The following CMIP variants were observed in gnomAD, a reference collection of about 807,000 sequenced individuals.
CMIP encodes the protein c-Maf inducing protein, also known as C-Maf-inducing protein.
In CMIP, 13 loss-of-function variants were observed where a neutral mutation model predicts 97.3. That is an observed-to-expected ratio of 0.13 (90% CI 0.09 to 0.21). The LOEUF (loss-of-function observed/expected upper bound fraction) is 0.21, where lower values mean the gene tolerates loss of function less well. Ranked by LOEUF, CMIP falls within the 10% of genes least tolerant of loss-of-function variation. CMIP has a pLI of 1.00. For synonymous variants in CMIP, 538 were observed against 436.3 expected, an observed-to-expected ratio of 1.23 and a Z score of -2.91; for missense variants, 847 against 1,024.9, an observed-to-expected ratio of 0.83 and a Z score of 2.37.
intron 1 of CMIP, chr16:81,519,129 G>A (rs961736169): frequency 1.3e-5 from 2 of 152,104 alleles, no homozygotes; most frequent in Non-Finnish European, 2.9e-5. Flanking sequence ...CACTGTACCC[G>A]GCCTCAAAAT....
intron 1 of CMIP, among the ~76,000 whole-genome samples, chr16:81,451,293 C>A (rs1906198193): frequency 6.6e-6 from 1 of 152,172 alleles, no homozygotes; most frequent in African/African-American, 2.4e-5. Flanking sequence ...CCCGTTTCGC[C>A]TAGCTCTTTC....
chr16:81,513,988 A>G (rs910882641), intron 1 of CMIP, among the ~76,000 whole-genome samples: 1 of 151,094 alleles, frequency 6.6e-6, no homozygotes, highest in African/African-American at 2.4e-5. Context: ...AAAACAGACC[A>G]TGGGGTTTCC....
At chr16:81,498,126 G>A (rs528238257) in intron 1 of CMIP, among the ~76,000 whole-genome samples, 12 of 152,366 alleles carry the variant, frequency 7.9e-5, no homozygotes, top group African/African-American at 2.9e-4. Flanking sequence ...GTTGGAACCT[G>A]CTGCTCCCTA....
chr16:81,677,660 C>T (rs1242325143), intron 9 of CMIP, among the ~76,000 whole-genome samples: 3 of 152,216 alleles, frequency 2.0e-5, no homozygotes, highest in Non-Finnish European at 4.4e-5. Flanking sequence ...TCTGGGTTAA[C>T]ATGTGTTAAC....
intron 10 of CMIP, among the ~76,000 whole-genome samples, chr16:81,684,849 G>A (rs1007439711): frequency 6.6e-6 from 1 of 152,162 alleles, no homozygotes; most frequent in Non-Finnish European, 1.5e-5. Flanking sequence ...CAGTCAGGTC[G>A]CTCACACCCT....
intron 17 of CMIP, among the ~76,000 whole-genome samples, chr16:81,703,660 C>T (rs1476669574): frequency 1.3e-5 from 2 of 152,010 alleles, no homozygotes; most frequent in South Asian, 4.1e-4. Context: ...GGCCTTGGAA[C>T]ACCCCGCTGG....
chr16:81,475,345 C>T (rs1472513658), intron 1 of CMIP, among the ~76,000 whole-genome samples: 1 of 152,208 alleles, frequency 6.6e-6, no homozygotes, highest in Non-Finnish European at 1.5e-5. Context: ...AAGAAATAAA[C>T]CATTCCAGTT....
intron 1 of CMIP, among the ~76,000 whole-genome samples, chr16:81,497,204 G>A (rs2089507415): frequency 6.6e-6 from 1 of 152,222 alleles, no homozygotes; most frequent in Non-Finnish European, 1.5e-5. Context: ...GCTCCCCTCT[G>A]CTCAGGCAGA....
chr16:81,583,283 C>T (rs899693255), intron 1 of CMIP, among the ~76,000 whole-genome samples: 4 of 152,264 alleles, frequency 2.6e-5, no homozygotes, highest in Non-Finnish European at 4.4e-5. Flanking sequence ...TGTCCCCACC[C>T]TGTCACCGGC....
At chr16:81,664,038 G>A (rs550487097) in intron 6 of CMIP, among the ~76,000 whole-genome samples, 19 of 152,238 alleles carry the variant, frequency 1.2e-4, no homozygotes, top group African/African-American at 3.9e-4. Flanking sequence ...TGTGCGTGCC[G>A]GGGGCAGGGG....
intron 1 of CMIP, among the ~76,000 whole-genome samples, chr16:81,541,475 G>C (rs2090448127): frequency 6.6e-6 from 1 of 152,198 alleles, no homozygotes; most frequent in South Asian, 2.1e-4. Context: ...CCCCAGGCTG[G>C]TAGGATGCTC....
intron 9 of CMIP, among the ~76,000 whole-genome samples, chr16:81,676,084 G>T (rs550839071): frequency 2.0e-5 from 3 of 152,308 alleles, no homozygotes; most frequent in African/African-American, 7.2e-5. Flanking sequence ...TAGGGGGCAG[G>T]CGTGACCCTG....
intron 2 of CMIP, chr16:81,617,059 CCAGGA>C (rs2091928704): frequency 6.6e-6 from 1 of 152,334 alleles, no homozygotes; most frequent in Non-Finnish European, 1.5e-5. Context: ...AGAGGAGACG[CCAGGA>C]GCACCAACGG....
chr16:81,708,579 G>A (rs990086228), intron 20 of CMIP, among the ~76,000 whole-genome samples: 4 of 152,182 alleles, frequency 2.6e-5, no homozygotes, highest in East Asian at 1.9e-4. Flanking sequence ...GCCTGTGACC[G>A]GCCTCCCTGT....
chr16:81,597,861 C>T (rs571655407), intron 1 of CMIP, among the ~76,000 whole-genome samples: 1 of 152,100 alleles, frequency 6.6e-6, no homozygotes, highest in African/African-American at 2.4e-5. Context: ...TGTCTCCCCC[C>T]CAGCTTGATG....
At chr16:81,546,388 G>C (rs76657921) in intron 1 of CMIP, among the ~76,000 whole-genome samples, 1,789 of 152,296 alleles carry the variant, frequency 0.012, 23 homozygotes, top group African/African-American at 0.036. Context: ...TTTAGCAAGA[G>C]GATGAACTGG....
chr16:81,480,744 T>G (rs2150755960), intron 1 of CMIP, among the ~76,000 whole-genome samples: 1 of 152,272 alleles, frequency 6.6e-6, no homozygotes, highest in East Asian at 1.9e-4. Flanking sequence ...GTTCTCTCAT[T>G]TTACCTTTAC....
intron 6 of CMIP, among the ~76,000 whole-genome samples, chr16:81,662,360 C>T (rs978333419): frequency 2.6e-5 from 4 of 152,202 alleles, no homozygotes; most frequent in Admixed American, 1.3e-4. Context: ...GTGTTTCTTA[C>T]CTCAGCGTTC....
At chr16:81,560,346 G>A (rs905624825) in intron 1 of CMIP, among the ~76,000 whole-genome samples, 1 of 151,284 alleles carries the variant, frequency 6.6e-6, no homozygotes, top group African/African-American at 2.4e-5. Context: ...AGCCTCCCCA[G>A]TAGCTGGGAC....
Sources: gnomAD v4.1 joint callset for allele counts (sites outside exome capture counted in the v4.1 genomes callset) on GRCh38, gnomAD v4.1.1 for gene constraint, MANE v1.5 for transcripts, NCBI Gene and HGNC (gene_info 2026-07-23, HGNC 2026-07-21) for gene names.